The following SCD5 variants were observed in gnomAD, a reference collection of about 807,000 sequenced individuals.
SCD5 encodes the protein acyl-CoA-desaturase 4.
Under a neutral mutation model 30.4 loss-of-function variants are expected in SCD5, and 20 were observed. The observed-to-expected ratio is 0.66, with a 90% CI of 0.46 to 0.96. The LOEUF is 0.96. SCD5 is among the 40% of genes least tolerant of loss of function. The probability of loss-of-function intolerance (pLI) is 0.00; values close to 1 mark genes in which losing one functional copy is unlikely to be tolerated. For missense variants in SCD5, 381 were observed against 443.3 expected (o/e 0.86, Z 1.26); for synonymous variants, 173 against 176.4 (o/e 0.98, Z 0.16).
At chr4:82,641,954 C>T (rs1727555380) in intron 3 of SCD5, among the ~76,000 whole-genome samples, 1 of 152,030 alleles carries the variant, frequency 6.6e-6, no homozygotes, top group South Asian at 2.1e-4. Flanking sequence ...CTGTCTTGGA[C>T]ACGGTAAGAG....
chr4:82,721,727 T>C (rs1411583463), intron 1 of SCD5, among the ~76,000 whole-genome samples: 1 of 152,212 alleles, frequency 6.6e-6, no homozygotes, highest in Non-Finnish European at 1.5e-5. Flanking sequence ...TCCCCACACC[T>C]GCATCTTGAA....
At chr4:82,684,127 G>C (rs1329146958) in intron 2 of SCD5, among the ~76,000 whole-genome samples, 1 of 152,156 alleles carries the variant, frequency 6.6e-6, no homozygotes, top group Non-Finnish European at 1.5e-5. Flanking sequence ...TTCAAACAGA[G>C]ATATTTATTT....
intron 3 of SCD5, among the ~76,000 whole-genome samples, chr4:82,679,280 G>GA (rs201019722): frequency 0.016 from 1,832 of 113,376 alleles, 86 homozygotes; most frequent in Admixed American, 0.081. Context: ...AAGAAAGAAA[G>GA]AAGGAAGGAA....
At chr4:82,638,942 A>T (rs995379993) in intron 3 of SCD5, among the ~76,000 whole-genome samples, 3 of 152,232 alleles carry the variant, frequency 2.0e-5, no homozygotes, top group African/African-American at 7.2e-5. Context: ...CAGATAGGGA[A>T]ATAGAGCAAC....
intron 1 of SCD5, chr4:82,753,325 T>C: frequency 1.9e-6 from 1 of 530,166 alleles, no homozygotes; most frequent in South Asian, 1.4e-5. Flanking sequence ...TGGGGGGTTC[T>C]GTGTATGGCC....
chr4:82,706,987 T>C (rs1051059239), intron 1 of SCD5, among the ~76,000 whole-genome samples: 4 of 152,262 alleles, frequency 2.6e-5, no homozygotes, highest in African/African-American at 9.6e-5. Flanking sequence ...GGGCTGAATG[T>C]AAGGATTCAT....
chr4:82,734,304 A>T (rs1411791405), intron 1 of SCD5, among the ~76,000 whole-genome samples: 1 of 152,170 alleles, frequency 6.6e-6, no homozygotes, highest in Non-Finnish European at 1.5e-5. Context: ...AAACCAAACA[A>T]AACAATCCCA....
chr4:82,722,960 T>C (rs6820352), intron 1 of SCD5, among the ~76,000 whole-genome samples: 78,444 of 149,560 alleles, frequency 0.52, 21,498 homozygotes, highest in African/African-American at 0.69. Context: ...GCCCGTAATC[T>C]CAGCTACTCA....
At chr4:82,667,291 C>T (rs1045530710) in intron 3 of SCD5, among the ~76,000 whole-genome samples, 16 of 152,102 alleles carry the variant, frequency 1.1e-4, no homozygotes, top group African/African-American at 2.7e-4. Flanking sequence ...CACACACGCA[C>T]GCACGCACGC....
intron 1 of SCD5, among the ~76,000 whole-genome samples, chr4:82,774,813 A>G (rs779363732): frequency 6.6e-6 from 1 of 152,214 alleles, no homozygotes; most frequent in African/African-American, 2.4e-5. Flanking sequence ...GATTCCAATT[A>G]AAGTGACTAA....
chr4:82,749,411 C>T (rs1477545554), intron 1 of SCD5, among the ~76,000 whole-genome samples: 1 of 152,188 alleles, frequency 6.6e-6, no homozygotes, highest in Non-Finnish European at 1.5e-5. Context: ...AAATACAGGC[C>T]AGCTAGGCTT....
At position 82,720,441 on chromosome 4, in the gene SCD5, T is replaced by TACAA. The variant is rs778480466; in HGVS notation, c.233-15029_233-15028insTTGT. Among the ~76,000 whole-genome samples the TACAA allele has an allele frequency of 1.5e-3, 113 of 77,876 alleles. 7 individuals carry two copies. The highest frequency in any genetic ancestry group is 2.8e-3 in the African/African-American group (53 of 18,694). The allele number at this position is 77,876 out of a possible 152,430, so 51.1% of individuals were successfully genotyped here. On this transcript the variant is annotated intron_variant, in intron 1 of 4. Coordinates refer to ENST00000319540, the MANE Select transcript of SCD5 (RefSeq NM_001037582.3). ...GATGCTGTCTCAAAAAAGGCAAAAATAAAAAAAAAAAAAAAAAAAAAAGAC... is the reference window on the plus strand; with the variant it reads ...GATGCTGTCTCAAAAAAGGCAAAAATACAAAAAAAAAAAAAAAAAAAAAAAAGAC...
intron 1 of SCD5, among the ~76,000 whole-genome samples, chr4:82,788,437 C>A (rs1178083891): frequency 6.6e-6 from 1 of 152,202 alleles, no homozygotes; most frequent in Non-Finnish European, 1.5e-5. Flanking sequence ...GTCACCCAGG[C>A]TGGAGTGCAG....
At chr4:82,735,352 T>C (rs550127931) in intron 1 of SCD5, among the ~76,000 whole-genome samples, 1 of 152,294 alleles carries the variant, frequency 6.6e-6, no homozygotes, top group African/African-American at 2.4e-5. Flanking sequence ...GTGGGCCCTA[T>C]GGTGGGATGG....
At chr4:82,664,494 T>A (rs1420593657) in intron 3 of SCD5, among the ~76,000 whole-genome samples, 1 of 152,146 alleles carries the variant, frequency 6.6e-6, no homozygotes, top group Non-Finnish European at 1.5e-5. Context: ...AATAGAACCA[T>A]TCTCAGAAAT....
chr4:82,771,519 A>G (rs72909687), intron 1 of SCD5, among the ~76,000 whole-genome samples: 3,798 of 152,322 alleles, frequency 0.025, 151 homozygotes, highest in African/African-American at 0.083. Flanking sequence ...CAGCAACCCT[A>G]CTAGAAAAAT....
intron 1 of SCD5, among the ~76,000 whole-genome samples, chr4:82,759,328 A>G (rs1423346877): frequency 1.3e-5 from 2 of 152,166 alleles, no homozygotes; most frequent in African/African-American, 4.8e-5. Context: ...CAGTTCCCCA[A>G]GGGCAGGGAG....
chr4:82,734,766 ATT>A (rs200082291), intron 1 of SCD5, among the ~76,000 whole-genome samples: 111 of 139,624 alleles, frequency 7.9e-4, no homozygotes, highest in Middle Eastern at 3.6e-3. Context: ...GTTGAGCTCA[ATT>A]TTTTTTTTTT....
In SCD5 at chr4:82,645,513, T is replaced by C. The variant is rs1037824399; in HGVS notation, c.570-8690A>G. Among the ~76,000 whole-genome samples the C allele has an allele frequency of 5.9e-5, 9 of 152,192 alleles. No individual in the cohort carries two copies. The East Asian group carries it at 1.7e-3, about 29-fold the overall frequency. ...AGAGCAGCATTCTATAGCTTGAAGG[T>C]GACAACTGACAAGGACAGGTCCACA... On this transcript the variant is annotated intron_variant, in intron 3 of 4. Transcript: ENST00000319540.
Sources: allele counts gnomAD v4.1 joint callset (sites outside exome capture counted in the v4.1 genomes callset), GRCh38; gene constraint gnomAD v4.1.1; transcripts MANE v1.5; gene names NCBI Gene and HGNC (gene_info 2026-07-23, HGNC 2026-07-21).